The following GRIK4 variants were observed in gnomAD, a reference collection of about 807,000 sequenced individuals.
The protein encoded by GRIK4 is glutamate ionotropic receptor kainate type subunit 4.
In GRIK4, 40 loss-of-function variants were observed where a neutral mutation model predicts 104.9. The observed-to-expected ratio is 0.38, with a 90% CI of 0.30 to 0.50. The LOEUF (loss-of-function observed/expected upper bound fraction) is 0.50. GRIK4 is among the 20% of genes least tolerant of loss of function. The probability of loss-of-function intolerance (pLI) is 0.93; values close to 1 mark genes in which losing one functional copy is unlikely to be tolerated. For missense variants in GRIK4, 1,047 were observed against 1,308.1 expected, an observed-to-expected ratio of 0.80 and a Z score of 3.08; for synonymous variants, 485 against 524.9, an observed-to-expected ratio of 0.92 and a Z score of 1.04.
At chr11:120,806,628 G>A (rs533507740) in intron 4 of GRIK4, among the ~76,000 whole-genome samples, 102 of 152,346 alleles carry the variant, frequency 6.7e-4, no homozygotes, top group Middle Eastern at 3.4e-3. Context: ...AGCTGGGGCT[G>A]TAGCACTCCA....
At chr11:120,690,931 A>G (rs779363258) in intron 3 of GRIK4, among the ~76,000 whole-genome samples, 3 of 152,214 alleles carry the variant, frequency 2.0e-5, no homozygotes, top group Non-Finnish European at 2.9e-5. Context: ...TAGGTTCCAC[A>G]TATTATGTTC....
intron 8 of GRIK4, among the ~76,000 whole-genome samples, chr11:120,853,543 T>C (rs1185853397): frequency 6.6e-6 from 1 of 152,150 alleles, no homozygotes. Flanking sequence ...AATGAGTGCA[T>C]ACCTGCTTAC....
intron 8 of GRIK4, among the ~76,000 whole-genome samples, chr11:120,839,149 G>A (rs1263675953): frequency 6.6e-6 from 1 of 152,170 alleles, no homozygotes; most frequent in African/African-American, 2.4e-5. Flanking sequence ...GTTGTCTTCT[G>A]CATTCTCCAG....
chr11:120,519,749 C>G (rs117199730), intron 1 of GRIK4, among the ~76,000 whole-genome samples: 1,679 of 152,002 alleles, frequency 0.011, 47 homozygotes, highest in East Asian at 0.063. Context: ...ATTTCAAGCT[C>G]TAGTGGGAAA....
intron 1 of GRIK4, among the ~76,000 whole-genome samples, chr11:120,592,431 G>A (rs1948746143): frequency 1.3e-5 from 2 of 152,214 alleles, no homozygotes; most frequent in Non-Finnish European, 2.9e-5. Flanking sequence ...GAACAAGAAC[G>A]AAGCTTGCTG....
chr11:120,672,425 A>T (rs952659819), intron 3 of GRIK4, among the ~76,000 whole-genome samples: 1 of 152,204 alleles, frequency 6.6e-6, no homozygotes, highest in African/African-American at 2.4e-5. Flanking sequence ...TTAAAAAAAA[A>T]ATAGAAAAAA....
intron 1 of GRIK4, among the ~76,000 whole-genome samples, chr11:120,633,065 A>C (rs1319795575): frequency 6.6e-6 from 1 of 151,914 alleles, no homozygotes; most frequent in Non-Finnish European, 1.5e-5. Flanking sequence ...ATCTGATCCT[A>C]AGTTCAGTGC....
intron 3 of GRIK4, among the ~76,000 whole-genome samples, chr11:120,713,120 G>A (rs1345599350): frequency 6.6e-6 from 1 of 152,118 alleles, no homozygotes; most frequent in South Asian, 2.1e-4. Flanking sequence ...TCAAGCGTGT[G>A]GTTCTAAAAA....
At chr11:120,694,116 G>A (rs1565299298) in intron 3 of GRIK4, among the ~76,000 whole-genome samples, 1 of 152,168 alleles carries the variant, frequency 6.6e-6, no homozygotes, top group African/African-American at 2.4e-5. Flanking sequence ...TGGACGAGAC[G>A]TCCAGTAGAC....
At chr11:120,741,017 A>G (rs1951319546) in intron 3 of GRIK4, among the ~76,000 whole-genome samples, 1 of 152,076 alleles carries the variant, frequency 6.6e-6, no homozygotes, top group Non-Finnish European at 1.5e-5. Context: ...AAAGCTGTGG[A>G]TAGTGTGTGT....
intron 3 of GRIK4, among the ~76,000 whole-genome samples, chr11:120,715,451 CT>C (rs1950812750): frequency 6.6e-6 from 1 of 152,272 alleles, no homozygotes; most frequent in Non-Finnish European, 1.5e-5. Flanking sequence ...ATGAACCCCC[CT>C]AGAGGTTGTT....
intron 1 of GRIK4, among the ~76,000 whole-genome samples, chr11:120,605,535 C>T (rs1948949354): frequency 6.6e-6 from 1 of 152,192 alleles, no homozygotes; most frequent in Admixed American, 6.5e-5. Flanking sequence ...TGGGGTGGGT[C>T]CTCTGTAGCT....
chr11:120,758,014 G>T (rs566894015), intron 3 of GRIK4, among the ~76,000 whole-genome samples: 2 of 152,304 alleles, frequency 1.3e-5, no homozygotes, highest in South Asian at 4.1e-4. Flanking sequence ...AGGAGTGGGC[G>T]TTAGGCTGAG....
At chr11:120,962,155 A>G (rs1268533960) in intron 17 of GRIK4, among the ~76,000 whole-genome samples, 1 of 152,216 alleles carries the variant, frequency 6.6e-6, no homozygotes, top group Non-Finnish European at 1.5e-5. Context: ...GGAGGTTGGC[A>G]GTAGAAGAGC....
At chr11:120,782,507 G>A (rs1376096087) in intron 3 of GRIK4, among the ~76,000 whole-genome samples, 1 of 152,070 alleles carries the variant, frequency 6.6e-6, no homozygotes, top group African/African-American at 2.4e-5. Context: ...GGATGGTCTC[G>A]ATCTCCTGAC....
At chr11:120,794,671 A>T (rs1216778707) in intron 3 of GRIK4, among the ~76,000 whole-genome samples, 1 of 152,080 alleles carries the variant, frequency 6.6e-6, no homozygotes, top group African/African-American at 2.4e-5. Context: ...TCCTGCCCAC[A>T]CCTTGATCTT....
chr11:120,544,573 C>T (rs975353050), intron 1 of GRIK4, among the ~76,000 whole-genome samples: 4 of 152,164 alleles, frequency 2.6e-5, no homozygotes, highest in Non-Finnish European at 5.9e-5. Flanking sequence ...TCAGGTGATC[C>T]ACCTGCCTCG....
chr11:120,565,102 G>A (rs952576014), intron 1 of GRIK4, among the ~76,000 whole-genome samples: 3 of 152,194 alleles, frequency 2.0e-5, no homozygotes, highest in East Asian at 1.9e-4. Context: ...AGTGATGCGG[G>A]GCAGCGTGGG....
rs56807699 is a variant in GRIK4, at chr11:120,897,601, C to CAA, written c.1165-906_1165-905dup. Among the ~76,000 whole-genome samples, 50 of 13,052 alleles carry CAA rather than the reference C, an allele frequency of 3.8e-3. 11 individuals are homozygous for CAA. Among genetic ancestry groups the CAA allele is most frequent in the Non-Finnish European group, 6.2e-3 (37 of 5,980 alleles). The allele number at this position is 13,052 out of a possible 152,430, so 8.6% of individuals were successfully genotyped here. ...TGGGTGACAGAACAAGACTCCTTCT[C>CAA]AAAAAAAAAAAAAAAAAAAAAAAAA... On this transcript the variant is annotated intron_variant, in intron 11 of 20. Transcript: ENST00000527524.
Sources: allele counts gnomAD v4.1 joint callset (sites outside exome capture counted in the v4.1 genomes callset), GRCh38; gene constraint gnomAD v4.1.1; transcripts MANE v1.5; gene names NCBI Gene and HGNC (gene_info 2026-07-23, HGNC 2026-07-21).